Variants in LHFPL1 observed in about 807,000 individuals in gnomAD.
The protein encoded by LHFPL1 is LHFPL tetraspan subfamily member 1 protein.
Under a neutral mutation model 12.1 loss-of-function variants are expected in LHFPL1, and 4 were observed. The ratio of observed to expected loss-of-function variants is 0.33; its 90% CI spans 0.16 to 0.76. The LOEUF is 0.76. Among genes scored for constraint, LHFPL1 ranks in the 30% least tolerant of loss-of-function variants. The pLI is 0.61. For synonymous variants in LHFPL1, 52 were observed against 61.9 expected (o/e 0.84, Z 0.75); for missense variants, 141 against 174.1 (o/e 0.81, Z 1.07).
intron 3 of LHFPL1, among the ~76,000 whole-genome samples, chrX:112,650,591 A>AC (rs1930825938): frequency 9.1e-6 from 1 of 109,365 alleles, no homozygotes; most frequent in Non-Finnish European, 1.9e-5. Context: ...GGCTGCTGTG[A>AC]CCCCCACATT....
chrX:112,644,530 T>C (rs1267250173), intron 3 of LHFPL1, among the ~76,000 whole-genome samples: 3 of 110,351 alleles, frequency 2.7e-5, no homozygotes, highest in African/African-American at 9.9e-5. Flanking sequence ...AAATACAAAA[T>C]AGGTAGACGT....
intron 3 of LHFPL1, among the ~76,000 whole-genome samples, chrX:112,632,798 T>TGCTTTCCCATTCAGGGAAA (rs1930226816): frequency 8.9e-6 from 1 of 112,064 alleles, no homozygotes; most frequent in South Asian, 3.8e-4. Context: ...CAAGCTTGGC[T>TGCTTTCCCATTCAGGGAAA]GCTTCGCTTT....
chrX:112,635,478 C>T (rs927309913), intron 3 of LHFPL1, among the ~76,000 whole-genome samples: 1 of 112,511 alleles, frequency 8.9e-6, no homozygotes, highest in African/African-American at 3.2e-5. Flanking sequence ...CAGTCCAAGT[C>T]TTGCGAGAAT....
intron 1 of LHFPL1, among the ~76,000 whole-genome samples, chrX:112,678,449 C>A (rs2147737005): frequency 8.9e-6 from 1 of 112,103 alleles, no homozygotes; most frequent in East Asian, 2.8e-4. Flanking sequence ...CTACCCCTAT[C>A]AAGATCCCTG....
chrX:112,639,581 C>T (rs1005844750), intron 3 of LHFPL1, among the ~76,000 whole-genome samples: 3 of 112,109 alleles, frequency 2.7e-5, no homozygotes, highest in Non-Finnish European at 5.6e-5. Context: ...TTTTTCTTTT[C>T]TCTCTCACAC....
At chrX:112,644,639 A>G (rs1930634867) in intron 3 of LHFPL1, among the ~76,000 whole-genome samples, 1 of 111,337 alleles carries the variant, frequency 9.0e-6, no homozygotes, top group Non-Finnish European at 1.9e-5. Context: ...ATCTAGTCCA[A>G]TGCTCTCTAT....
intron 3 of LHFPL1, among the ~76,000 whole-genome samples, chrX:112,647,785 A>G (rs1460249190): frequency 1.8e-5 from 2 of 112,056 alleles, no homozygotes; most frequent in Admixed American, 9.4e-5. Context: ...AAGAATCTAG[A>G]AACAGAAATA....
intron 3 of LHFPL1, among the ~76,000 whole-genome samples, chrX:112,634,150 C>T (rs1602662346): frequency 9.0e-6 from 1 of 111,712 alleles, no homozygotes; most frequent in Non-Finnish European, 1.9e-5. Flanking sequence ...CGGTGATAGC[C>T]CTGGGAACTC....
chrX:112,641,669 C>T (rs1309714973), intron 3 of LHFPL1, among the ~76,000 whole-genome samples: 1 of 112,303 alleles, frequency 8.9e-6, no homozygotes, highest in Non-Finnish European at 1.9e-5. Context: ...TAATACTTCT[C>T]AGATCCTCTT....
chrX:112,651,677 C>G (rs1352923856), intron 3 of LHFPL1, among the ~76,000 whole-genome samples: 4 of 111,680 alleles, frequency 3.6e-5, no homozygotes, highest in South Asian at 3.8e-4. Context: ...TTTGAAACAG[C>G]CTACTTTCCC....
chrX:112,652,765 G>A (rs138916968), intron 3 of LHFPL1, among the ~76,000 whole-genome samples: 13 of 112,111 alleles, frequency 1.2e-4, no homozygotes, highest in African/African-American at 3.9e-4. Flanking sequence ...AGGGCTTTGT[G>A]CTATCAGTTG....
intron 2 of LHFPL1, among the ~76,000 whole-genome samples, chrX:112,662,055 G>T (rs1286719910): frequency 8.9e-6 from 1 of 112,481 alleles, no homozygotes; most frequent in Non-Finnish European, 1.9e-5. Context: ...CTTCCTGATG[G>T]CTTTCCAAAT....
At chrX:112,643,952 C>A (rs1930608045) in intron 3 of LHFPL1, among the ~76,000 whole-genome samples, 1 of 111,804 alleles carries the variant, frequency 8.9e-6, no homozygotes, top group Admixed American at 9.4e-5. Flanking sequence ...GAAGCGATAC[C>A]AACTACCTCC....
At chrX:112,663,123 G>A (rs774767535) in intron 2 of LHFPL1, among the ~76,000 whole-genome samples, 2 of 111,347 alleles carry the variant, frequency 1.8e-5, no homozygotes, top group African/African-American at 6.5e-5. Context: ...ATACTGAGGA[G>A]CCCAGGTCAA....
At chrX:112,659,168 A>G (rs987880492) in intron 3 of LHFPL1, among the ~76,000 whole-genome samples, 8 of 111,899 alleles carry the variant, frequency 7.1e-5, no homozygotes, top group African/African-American at 2.6e-4. Flanking sequence ...TGGGCTGATG[A>G]AAATGTTCTG....
At chrX:112,675,625 C>A (rs1309094723) in intron 1 of LHFPL1, among the ~76,000 whole-genome samples, 1 of 112,063 alleles carries the variant, frequency 8.9e-6, no homozygotes, top group Non-Finnish European at 1.9e-5. Flanking sequence ...GTCCTTATTT[C>A]ATTTATGACT....
intron 1 of LHFPL1, among the ~76,000 whole-genome samples, chrX:112,673,141 T>C (rs1931557465): frequency 8.9e-6 from 1 of 111,866 alleles, no homozygotes; most frequent in South Asian, 3.8e-4. Flanking sequence ...GTTATTTGAT[T>C]CTTAATATAA....
chrX:112,639,959 C>T (rs1368962871), intron 3 of LHFPL1, among the ~76,000 whole-genome samples: 1 of 112,095 alleles, frequency 8.9e-6, no homozygotes, highest in African/African-American at 3.2e-5. Context: ...TTCGATTCAG[C>T]GCTAGCTCTT....
chrX:112,655,195 T>C (rs1323213278), intron 3 of LHFPL1, among the ~76,000 whole-genome samples: 1 of 112,147 alleles, frequency 8.9e-6, no homozygotes, highest in East Asian at 2.8e-4. Context: ...TCTTCTATAA[T>C]GAAGCTAATT....
Sources: allele counts gnomAD v4.1 joint callset (sites outside exome capture counted in the v4.1 genomes callset), GRCh38; gene constraint gnomAD v4.1.1; transcripts MANE v1.5; gene names NCBI Gene and HGNC (gene_info 2026-07-23, HGNC 2026-07-21).